Variants in SMOC2 observed in about 807,000 individuals in gnomAD.
SMOC2 encodes SPARC-related modular calcium-binding protein 2.
SMOC2 carries 39 observed loss-of-function variants against 61.4 expected under a neutral mutation model. The ratio of observed to expected loss-of-function variants is 0.64; its 90% CI spans 0.49 to 0.83. The LOEUF (loss-of-function observed/expected upper bound fraction) is 0.83, where lower values mean the gene tolerates loss of function less well. SMOC2 is among the 40% of genes least tolerant of loss of function. The pLI, the probability that SMOC2 is intolerant of heterozygous loss-of-function variation, is 0.00. For synonymous variants in SMOC2, 247 were observed against 239.9 expected, an observed-to-expected ratio of 1.03 and a Z score of -0.27; for missense variants, 556 against 592.9, an observed-to-expected ratio of 0.94 and a Z score of 0.65.
intron 7 of SMOC2, among the ~76,000 whole-genome samples, chr6:168,592,702 C>T (rs865995405): frequency 4.2e-5 from 2 of 47,756 alleles, no homozygotes; most frequent in Non-Finnish European, 9.8e-5. Context: ...TAGAGGATGG[C>T]CGAGCTCCTC....
At chr6:168,507,341 C>G (rs918418053) in intron 1 of SMOC2, among the ~76,000 whole-genome samples, 1 of 152,190 alleles carries the variant, frequency 6.6e-6, no homozygotes, top group Non-Finnish European at 1.5e-5. Flanking sequence ...AACGAAGGCA[C>G]CTGGGGCTCC....
At chr6:168,552,676 A>G (rs144547537) in intron 7 of SMOC2, among the ~76,000 whole-genome samples, 1,966 of 152,344 alleles carry the variant, frequency 0.013, 46 homozygotes, top group African/African-American at 0.045. Flanking sequence ...TTTACAAAGG[A>G]AAATAAAATA....
intron 11 of SMOC2, among the ~76,000 whole-genome samples, chr6:168,659,050 C>A (rs1270202815): frequency 1.2e-5 from 1 of 85,014 alleles, no homozygotes; most frequent in African/African-American, 4.8e-5. Flanking sequence ...GTGTGTGTGG[C>A]GTGTGGGGTG....
chr6:168,466,728 A>G lies in SMOC2; in HGVS notation c.84+25274A>G, dbSNP rs896370505. 1.3e-4 allele frequency among the ~76,000 whole-genome samples: 20 copies of G among 152,216 alleles called. No homozygotes were observed. The East Asian group carries it at 3.1e-3, about 23-fold the overall frequency. ...GCTCCACGAAGGGTGCACCTGCAAC[A>G]TGTTTATTTCCATGTCGGCCAAGGC... On this transcript the variant is annotated intron_variant, in intron 1 of 12. Transcript: ENST00000356284.
chr6:168,448,299 C>T (rs1021097201), intron 1 of SMOC2, among the ~76,000 whole-genome samples: 6 of 124,086 alleles, frequency 4.8e-5, no homozygotes, highest in African/African-American at 2.0e-4. Context: ...TGTGGAACCA[C>T]TCCCAGGAGG....
At chr6:168,510,191 GT>G in intron 2 of SMOC2, 105 bp downstream of exon 2, 1 of 1,133,600 alleles carries the variant, frequency 8.8e-7, no homozygotes, top group Non-Finnish European at 1.2e-6. Flanking sequence ...ACAAACTCGG[GT>G]TTATGTTGGC....
At position 168,601,362 on chromosome 6, in the gene SMOC2, C is replaced by T. The variant is rs76390874; in HGVS notation, c.824+2358C>T. On this transcript the variant is annotated intron_variant, in intron 8 of 12. Coordinates refer to ENST00000356284, the MANE Select transcript of SMOC2 (RefSeq NM_001166412.2). ...GCCTGCTCTCGACACCCCACTCAGC[C>T]GACACTGCACAGGGGTGCTGAGGCC... 9.5e-3 allele frequency among the ~76,000 whole-genome samples: 1,453 copies of T among 152,312 alleles called. 23 individuals are homozygous for T. The highest frequency in any genetic ancestry group is 0.033 in the African/African-American group (1,381 of 41,562).
At chr6:168,509,584 T>C (rs1237410100) in intron 1 of SMOC2, among the ~76,000 whole-genome samples, 1 of 152,068 alleles carries the variant, frequency 6.6e-6, no homozygotes, top group East Asian at 1.9e-4. Context: ...AGTCAATGAA[T>C]TCACAAAAGG....
chr6:168,457,320 G>T (rs1448559211), intron 1 of SMOC2, among the ~76,000 whole-genome samples: 1 of 152,146 alleles, frequency 6.6e-6, no homozygotes, highest in Non-Finnish European at 1.5e-5. Flanking sequence ...CAGCACCCCA[G>T]CGTGACGCCA....
At chr6:168,524,924 T>A (rs1030599893) in intron 2 of SMOC2, among the ~76,000 whole-genome samples, 1 of 152,244 alleles carries the variant, frequency 6.6e-6, no homozygotes, top group East Asian at 1.9e-4. Flanking sequence ...AGGAGCCCGC[T>A]GTGACGGGTG....
chr6:168,518,710 G>A (rs984802252), intron 2 of SMOC2, among the ~76,000 whole-genome samples: 2 of 147,508 alleles, frequency 1.4e-5, no homozygotes, highest in African/African-American at 5.0e-5. Context: ...GCATGTGTGA[G>A]TGTTATGCTT....
chr6:168,616,089 G>A (rs998852001), intron 9 of SMOC2, among the ~76,000 whole-genome samples: 2 of 152,158 alleles, frequency 1.3e-5, no homozygotes, highest in African/African-American at 2.4e-5. Flanking sequence ...CTCGCTTGGT[G>A]GCCTTTGAGA....
chr6:168,588,318 T>C (rs1398506992), intron 7 of SMOC2, among the ~76,000 whole-genome samples: 1 of 151,972 alleles, frequency 6.6e-6, no homozygotes, highest in Non-Finnish European at 1.5e-5. Context: ...GAGACAGGGT[T>C]TCACCATATT....
intron 4 of SMOC2, among the ~76,000 whole-genome samples, chr6:168,536,192 C>G (rs1195694666): frequency 6.6e-6 from 1 of 151,162 alleles, no homozygotes; most frequent in Non-Finnish European, 1.5e-5. Context: ...GGGCCTCACT[C>G]CAGAGGAACA....
intron 1 of SMOC2, among the ~76,000 whole-genome samples, chr6:168,485,027 A>AT (rs1179051650): frequency 6.6e-6 from 1 of 152,220 alleles, no homozygotes; most frequent in Non-Finnish European, 1.5e-5. Context: ...GATGGTGGTG[A>AT]TAGTTATACA....
intron 2 of SMOC2, among the ~76,000 whole-genome samples, chr6:168,514,361 G>T (rs2749265): frequency 0.9 from 136,188 of 152,074 alleles, 61,896 homozygotes; most frequent in East Asian, 1. Context: ...AAGGACAGTG[G>T]TGCGTTGGAC....
intron 1 of SMOC2, among the ~76,000 whole-genome samples, chr6:168,493,194 G>A (rs947760707): frequency 5.3e-5 from 8 of 151,950 alleles, no homozygotes; most frequent in African/African-American, 1.7e-4. Context: ...ACGCCACTAC[G>A]CCTGCCTAAT....
At chr6:168,642,346 G>T (rs1458653173) in intron 9 of SMOC2, among the ~76,000 whole-genome samples, 3 of 152,204 alleles carry the variant, frequency 2.0e-5, no homozygotes, top group Non-Finnish European at 4.4e-5. Context: ...CGTTGGATTG[G>T]CCAAAACTCG....
At position 168,542,541 on chromosome 6, in the gene SMOC2, C is replaced by G. The variant is rs546404848; in HGVS notation, c.464-1084C>G. 1.6e-4 allele frequency among the ~76,000 whole-genome samples: 25 copies of G among 152,262 alleles called. 1 individual carries two copies. Among genetic ancestry groups the G allele is most frequent in the African/African-American group, 5.5e-4 (23 of 41,546 alleles). ...AAATCCTCATTCAGCTTTCTGAAGT[C>G]AGCATTGTCTGATGAGTACCTGTTA... On this transcript the variant is annotated intron_variant, in intron 4 of 12. Transcript: ENST00000356284.
Sources: gnomAD v4.1 joint callset for allele counts (sites outside exome capture counted in the v4.1 genomes callset) on GRCh38, gnomAD v4.1.1 for gene constraint, MANE v1.5 for transcripts, NCBI Gene and HGNC (gene_info 2026-07-23, HGNC 2026-07-21) for gene names.